APP: variants seen among roughly 807,000 people sequenced by gnomAD.
The protein encoded by APP is amyloid beta precursor protein, also known as amyloid-beta precursor protein.
A neutral mutation model predicts 101.4 loss-of-function variants in APP; 31 were observed. The observed-to-expected ratio is 0.31, with a 90% CI of 0.23 to 0.41. The LOEUF is 0.41. APP is among the 10% of genes least tolerant of loss of function. The pLI is 1.00. For synonymous variants in APP, 366 were observed against 364.4 expected, an observed-to-expected ratio of 1.00 and a Z score of -0.05; for missense variants, 839 against 1,003.7, an observed-to-expected ratio of 0.84 and a Z score of 2.22.
At chr21:26,084,521 G>T (rs1237763495) in intron 3 of APP, among the ~76,000 whole-genome samples, 1 of 118 alleles carries the variant, frequency 8.5e-3, no homozygotes, top group East Asian at 0.25. Flanking sequence ...TTACAGGCGT[G>T]AGCACCGCGC....
intron 1 of APP, among the ~76,000 whole-genome samples, chr21:26,116,404 T>C (rs533050775): frequency 1.3e-5 from 2 of 152,304 alleles, no homozygotes; most frequent in African/African-American, 4.8e-5. Context: ...TATAAACATA[T>C]ATACCTAATC....
chr21:25,914,576 C>A (rs1311095015), intron 13 of APP, among the ~76,000 whole-genome samples: 1 of 112,748 alleles, frequency 8.9e-6, no homozygotes, highest in South Asian at 2.8e-4. Flanking sequence ...TTTTTTGAGA[C>A]GGAGTCTTGC....
At chr21:25,888,379 G>A (rs1420288157) in intron 17 of APP, among the ~76,000 whole-genome samples, 3 of 152,160 alleles carry the variant, frequency 2.0e-5, no homozygotes, top group Admixed American at 2.0e-4. Context: ...GCAACTCCCT[G>A]TGTTCAGGTT....
chr21:26,100,936 T>C (rs149283659), intron 2 of APP, among the ~76,000 whole-genome samples: 479 of 152,264 alleles, frequency 3.1e-3, no homozygotes, highest in Non-Finnish European at 4.0e-3. Flanking sequence ...CTGTTCAAAG[T>C]TCCCTCCAGA....
chr21:25,971,237 C>T (rs936654224), intron 11 of APP, among the ~76,000 whole-genome samples: 6 of 190 alleles, frequency 0.032, no homozygotes, highest in South Asian at 0.5. Context: ...TTAGTAGAGA[C>T]GGGGTTCACC....
intron 14 of APP, among the ~76,000 whole-genome samples, chr21:25,909,943 C>T (rs2055980389): frequency 6.6e-6 from 1 of 152,042 alleles, no homozygotes; most frequent in African/African-American, 2.4e-5. Context: ...TTTGCTATTA[C>T]TGTAAGGTGC....
At chr21:26,025,854 C>T (rs115469668) in intron 5 of APP, among the ~76,000 whole-genome samples, 3,233 of 152,298 alleles carry the variant, frequency 0.021, 105 homozygotes, top group African/African-American at 0.074. Context: ...ATTTAGATGT[C>T]CATGAATTCA....
chr21:25,984,803 A>G (rs2042576514), intron 8 of APP, among the ~76,000 whole-genome samples: 1 of 152,240 alleles, frequency 6.6e-6, no homozygotes, highest in South Asian at 2.1e-4. Context: ...GCATAGTCCA[A>G]TCTGGCAGAA....
intron 3 of APP, among the ~76,000 whole-genome samples, chr21:26,079,814 A>G (rs1568947251): frequency 1.3e-5 from 2 of 152,220 alleles, no homozygotes; most frequent in African/African-American, 2.4e-5. Flanking sequence ...TATACACTGT[A>G]TATGGAAACC....
chr21:26,097,289 A>G (rs1251558909), intron 2 of APP, among the ~76,000 whole-genome samples: 1 of 152,182 alleles, frequency 6.6e-6, no homozygotes, highest in Non-Finnish European at 1.5e-5. Context: ...ATTAGAATAT[A>G]TAATCCTTGA....
chr21:26,035,814 T>TGG (rs2045081344), intron 5 of APP, among the ~76,000 whole-genome samples: 1 of 151,992 alleles, frequency 6.6e-6, no homozygotes, highest in Non-Finnish European at 1.5e-5. Flanking sequence ...CAAGAAACAA[T>TGG]GGGAGTTTAG....
intron 2 of APP, among the ~76,000 whole-genome samples, chr21:26,098,450 TA>T (rs1328567050): frequency 6.6e-6 from 1 of 151,364 alleles, no homozygotes; most frequent in Non-Finnish European, 1.5e-5. Flanking sequence ...ATGTATATAT[TA>T]AAAAAAAACT....
chr21:26,064,836 G>GT (rs2046399154), intron 3 of APP, among the ~76,000 whole-genome samples: 1 of 152,028 alleles, frequency 6.6e-6, no homozygotes, highest in Non-Finnish European at 1.5e-5. Flanking sequence ...CTTTGTTGTT[G>GT]TTTTTTTGTT....
chr21:25,905,002 A>C, intron 15 of APP, 22 bp downstream of exon 15: 1 of 1,612,418 alleles, frequency 6.2e-7, no homozygotes, highest in East Asian at 2.2e-5. Flanking sequence ...GCGGAGAGGC[A>C]CAAGTCAAGC....
intron 3 of APP, among the ~76,000 whole-genome samples, chr21:26,059,890 C>CAAAAAAAAAAAAA (rs57594630): frequency 1.8e-4 from 13 of 70,660 alleles, no homozygotes; most frequent in East Asian, 1.7e-3. Flanking sequence ...GACTCCGTCT[C>CAAAAAAAAAAAAA]AAAAAAAAAA....
At chr21:26,038,405 G>A (rs1208612145) in intron 5 of APP, among the ~76,000 whole-genome samples, 5 of 152,122 alleles carry the variant, frequency 3.3e-5, no homozygotes, top group African/African-American at 1.2e-4. Context: ...GAGTCATTGA[G>A]CCCCAAGGAG....
At chr21:26,107,031 T>A (rs1029215566) in intron 2 of APP, among the ~76,000 whole-genome samples, 3 of 152,236 alleles carry the variant, frequency 2.0e-5, no homozygotes, top group African/African-American at 7.2e-5. Flanking sequence ...GCAGGTGTTG[T>A]CTTGCAGACC....
At chr21:25,889,409 T>G (rs1234668023) in intron 17 of APP, among the ~76,000 whole-genome samples, 3 of 152,186 alleles carry the variant, frequency 2.0e-5, no homozygotes, top group Non-Finnish European at 1.5e-5. Context: ...GAGGGTAAAT[T>G]TCTGTTGCTT....
At chr21:26,023,636 G>A (rs1054815893) in intron 5 of APP, among the ~76,000 whole-genome samples, 4 of 152,188 alleles carry the variant, frequency 2.6e-5, no homozygotes, top group Non-Finnish European at 4.4e-5. Context: ...CCAGGAGTTC[G>A]AGGCTGCTGT....
Sources: allele counts gnomAD v4.1 joint callset (sites outside exome capture counted in the v4.1 genomes callset), GRCh38; gene constraint gnomAD v4.1.1; transcripts MANE v1.5; gene names NCBI Gene and HGNC (gene_info 2026-07-23, HGNC 2026-07-21).